The following DCC variants were observed in gnomAD, a reference collection of about 807,000 sequenced individuals.
DCC encodes the protein netrin receptor DCC.
A neutral mutation model predicts 172.5 loss-of-function variants in DCC; 58 were observed. The observed-to-expected ratio is 0.34, with a 90% confidence interval of 0.27 to 0.42. DCC has a LOEUF of 0.42. Ranked by LOEUF, DCC falls within the 10% of genes least tolerant of loss-of-function variation. The probability of loss-of-function intolerance (pLI) is 1.00; values close to 1 mark genes in which losing one functional copy is unlikely to be tolerated. For synonymous variants in DCC, 709 were observed against 644.5 expected (o/e 1.10, Z -1.52); for missense variants, 1,740 against 1,791.0 (o/e 0.97, Z 0.51).
intron 25 of DCC, among the ~76,000 whole-genome samples, chr18:53,477,741 A>G (rs549920625): frequency 4.6e-5 from 7 of 152,174 alleles, no homozygotes. Flanking sequence ...TTATTTGTCT[A>G]ATATTATACT....
chr18:53,085,886 G>C (rs1238938082), intron 7 of DCC, among the ~76,000 whole-genome samples: 1 of 151,080 alleles, frequency 6.6e-6, no homozygotes, highest in Non-Finnish European at 1.5e-5. Context: ...ATTTAAGAAG[G>C]ATAAAATTGA....
chr18:53,073,149 G>C (rs2042677923), intron 7 of DCC, among the ~76,000 whole-genome samples: 1 of 151,996 alleles, frequency 6.6e-6, no homozygotes, highest in African/African-American at 2.4e-5. Context: ...ATTGGGGAAA[G>C]TAAATTGAAA....
intron 17 of DCC, among the ~76,000 whole-genome samples, chr18:53,394,243 A>G (rs969682956): frequency 6.6e-6 from 1 of 152,214 alleles, no homozygotes; most frequent in Non-Finnish European, 1.5e-5. Flanking sequence ...TATGATGGAA[A>G]TATCCATACT....
At chr18:53,372,847 A>T (rs2058072972) in intron 15 of DCC, among the ~76,000 whole-genome samples, 1 of 152,076 alleles carries the variant, frequency 6.6e-6, no homozygotes, top group Non-Finnish European at 1.5e-5. Flanking sequence ...CTTGATCCTC[A>T]GAACTCTGTA....
chr18:52,792,769 TATTCCATTCCATTCCATTCC>T (rs58380249), intron 2 of DCC, among the ~76,000 whole-genome samples: 2 of 134,398 alleles, frequency 1.5e-5, no homozygotes, highest in Non-Finnish European at 3.1e-5. Flanking sequence ...TATTCCATTC[TATTCCATTCCATTCCATTCC>T]ATTCCATTCC....
rs2055060548 is a variant in DCC, at chr18:53,174,508, C to A, written c.1419-4454C>A. The stretch of plus-strand genomic sequence containing the variant: ...ATAAAGGGGATATCACCACCGATCC[C>A]ACAGAAATACAAACTACCATCAGAG... On this transcript the variant is annotated intron_variant, in intron 8 of 28. Coordinates refer to ENST00000442544, the MANE Select transcript of DCC (RefSeq NM_005215.4). Among the ~76,000 whole-genome samples, 3 of 148,996 alleles carry A rather than the reference C, an allele frequency of 2.0e-5. No individual in the cohort carries two copies. In the Admixed American group the frequency reaches 2.0e-4, roughly 10 times the overall value.
intron 1 of DCC, among the ~76,000 whole-genome samples, chr18:52,627,997 G>A (rs1674619578): frequency 6.6e-6 from 1 of 152,162 alleles, no homozygotes; most frequent in Admixed American, 6.5e-5. Context: ...CTGAGGTTCT[G>A]TAAAATTTGA....
chr18:52,596,756 T>A (rs1176593747), intron 1 of DCC, among the ~76,000 whole-genome samples: 1 of 152,190 alleles, frequency 6.6e-6, no homozygotes, highest in Admixed American at 6.5e-5. Context: ...TTGCTGGCTA[T>A]ACATATGCAG....
At chr18:52,886,062 T>G (rs145700206) in intron 2 of DCC, among the ~76,000 whole-genome samples, 174 of 151,822 alleles carry the variant, frequency 1.1e-3, no homozygotes, top group African/African-American at 4.1e-3. Flanking sequence ...TTCTCTCTCC[T>G]CACCTCAAGC....
rs12964039 is a variant in DCC at position 53,267,110 on chromosome 18, T to A, written c.1912-38468T>A. On this transcript the variant is annotated intron_variant, in intron 12 of 28. Transcript: ENST00000442544. ...TATACACACACACACACTCTCTCTC[T>A]CACACACACACACACACACACACAT... Among the ~76,000 whole-genome samples the A allele has an allele frequency of 3.2e-3, 444 of 137,416 alleles. 2 individuals are homozygous for A. The highest frequency in any genetic ancestry group is 0.01 in the African/African-American group (343 of 33,192). The allele number at this position is 137,416 out of a possible 152,430, so 90.2% of individuals were successfully genotyped here.
chr18:53,381,764 T>C (rs1907758802), intron 15 of DCC, among the ~76,000 whole-genome samples: 2 of 152,160 alleles, frequency 1.3e-5, no homozygotes, highest in African/African-American at 2.4e-5. Context: ...TCCAGAGAGA[T>C]AGTTTTTCCA....
chr18:52,992,984 TA>T (rs5824983), intron 5 of DCC, among the ~76,000 whole-genome samples: 33,632 of 130,946 alleles, frequency 0.26, 4,095 homozygotes, highest in East Asian at 0.53. Context: ...GTCTCAAATT[TA>T]AAAAAAAAAA....
chr18:53,354,512 A>G (rs897991494), intron 15 of DCC, among the ~76,000 whole-genome samples: 1 of 152,300 alleles, frequency 6.6e-6, no homozygotes. Flanking sequence ...TCTGATGGCC[A>G]GTGATGATGA....
intron 2 of DCC, among the ~76,000 whole-genome samples, chr18:52,757,532 C>G (rs897590441): frequency 6.6e-6 from 1 of 152,100 alleles, no homozygotes; most frequent in Non-Finnish European, 1.5e-5. Context: ...CTGACTTGCC[C>G]TGCACACTCT....
intron 7 of DCC, among the ~76,000 whole-genome samples, chr18:53,073,322 G>A (rs956194944): frequency 2.6e-5 from 4 of 152,190 alleles, no homozygotes; most frequent in Admixed American, 6.5e-5. Context: ...TCAGGAGATC[G>A]AGACCATCCT....
chr18:53,379,634 T>A (rs1260654680), intron 15 of DCC, among the ~76,000 whole-genome samples: 1 of 152,206 alleles, frequency 6.6e-6, no homozygotes, highest in African/African-American at 2.4e-5. Context: ...TACCCATTTC[T>A]TGTCTTTTTC....
intron 23 of DCC, among the ~76,000 whole-genome samples, chr18:53,456,956 AAAG>A (rs1414973383): frequency 1.3e-5 from 2 of 152,234 alleles, no homozygotes; most frequent in East Asian, 1.9e-4. Flanking sequence ...TGGAGGGACA[AAAG>A]AAGGAGAGGC....
intron 5 of DCC, among the ~76,000 whole-genome samples, chr18:52,947,614 A>T (rs1277410458): frequency 6.6e-6 from 1 of 152,156 alleles, no homozygotes; most frequent in East Asian, 1.9e-4. Context: ...AAAAGCAATC[A>T]TATCACTCTT....
intron 5 of DCC, among the ~76,000 whole-genome samples, chr18:53,062,786 T>C (rs1446153930): frequency 6.6e-6 from 1 of 152,072 alleles, no homozygotes; most frequent in East Asian, 1.9e-4. Flanking sequence ...GTGGCCACAG[T>C]AAAGATGATA....
Sources: gnomAD v4.1 joint callset for allele counts (sites outside exome capture counted in the v4.1 genomes callset) on GRCh38, gnomAD v4.1.1 for gene constraint, MANE v1.5 for transcripts, NCBI Gene and HGNC (gene_info 2026-07-23, HGNC 2026-07-21) for gene names.